Variants in DOT1L observed in about 807,000 individuals in gnomAD.
The protein encoded by DOT1L is DOT1 like histone lysine methyltransferase, also known as histone-lysine N-methyltransferase, H3 lysine-79 specific.
Under a neutral mutation model 153.3 loss-of-function variants are expected in DOT1L, and 33 were observed. The ratio of observed to expected loss-of-function variants is 0.22; its 90% CI spans 0.16 to 0.29. The LOEUF (loss-of-function observed/expected upper bound fraction) is 0.29, where lower values mean the gene tolerates loss of function less well. Ranked by LOEUF, DOT1L falls within the 10% of genes least tolerant of loss-of-function variation. The probability of loss-of-function intolerance (pLI) is 1.00; values close to 1 mark genes in which losing one functional copy is unlikely to be tolerated. For synonymous variants in DOT1L, 1,135 were observed against 965.1 expected (o/e 1.18, Z -3.26); for missense variants, 1,847 against 2,119.9 (o/e 0.87, Z 2.53).
chr19:2,208,038 C>T lies in DOT1L; in HGVS notation c.963+358C>T, dbSNP rs1359104753. ...TGGATAGGAGTCCCACGTCCCTGTT[C>T]CCAGCTTCCTCCATGTGAGAGGGTC... On this transcript the variant is annotated intron_variant, in intron 11 of 27. Transcript: ENST00000398665. This position sits in a 1 kb window ranked among gnomAD's most constrained non-coding sequence, Gnocchi z 4.4. 6.6e-6 allele frequency among the ~76,000 whole-genome samples: 1 copy of T among 152,164 alleles called. No homozygotes were observed. The highest frequency in any genetic ancestry group is 1.5e-5 in the Non-Finnish European group (1 of 68,010).
rs1258332057 is a variant in DOT1L, at chr19:2,193,928, G to GC, written c.588+146dup. On this transcript the variant is annotated intron_variant, in intron 6 of 27. Coordinates refer to ENST00000398665, the MANE Select transcript of DOT1L (RefSeq NM_032482.3). This position sits in a 1 kb window ranked among gnomAD's most constrained non-coding sequence, Gnocchi z 5.9. ...GCCCAAGACGTCTTGGTTGCCTGCAGCGTGTGCCTGTGAATAGGGTGCCCG... is the reference window on the plus strand; with the variant it reads ...GCCCAAGACGTCTTGGTTGCCTGCAGCCGTGTGCCTGTGAATAGGGTGCCCG... The GC allele has an allele frequency of 3.6e-6, 3 of 828,190 alleles. No homozygotes were observed. Among genetic ancestry groups the GC allele is most frequent in the Non-Finnish European group, 3.7e-6 (2 of 533,656 alleles). 51.3% of individuals were successfully genotyped at this position (828,190 alleles called of 1,614,324 possible).
chr19:2,169,225 C>T (rs56278961), intron 1 of DOT1L, among the ~76,000 whole-genome samples: 3,514 of 152,256 alleles, frequency 0.023, 63 homozygotes, highest in Middle Eastern at 0.041. Flanking sequence ...CCCACCGTGA[C>T]TCAGAAGGTA....
intron 19 of DOT1L, chr19:2,215,585 T>G (rs1288982905): frequency 6.6e-6 from 1 of 152,348 alleles, no homozygotes; most frequent in African/African-American, 2.4e-5. Context: ...CACCAAACCG[T>G]TGCTGCAAGG....
chr19:2,199,810 C>G (rs886820871), intron 7 of DOT1L, 74 bp from the exon 8 acceptor site: 3 of 1,550,000 alleles, frequency 1.9e-6, no homozygotes, highest in Non-Finnish European at 2.6e-6. Context: ...TCCATTCTTT[C>G]TTCACAGGGG....
At chr19:2,178,231 CAT>C (rs920775182) in intron 1 of DOT1L, among the ~76,000 whole-genome samples, 4 of 135,796 alleles carry the variant, frequency 2.9e-5, no homozygotes, top group African/African-American at 1.3e-4. Context: ...CATGCCTGGC[CAT>C]TTTTTTTTTT....
chr19:2,186,215 G>GCGGCTGA (rs2022501193), intron 3 of DOT1L, among the ~76,000 whole-genome samples: 2 of 152,270 alleles, frequency 1.3e-5, no homozygotes, highest in South Asian at 4.1e-4. Flanking sequence ...TTTATAGCGG[G>GCGGCTGA]CGGCTGACGG....
intron 27 of DOT1L, chr19:2,228,329 G>A (rs918390731): frequency 1.0e-5 from 14 of 1,334,696 alleles, no homozygotes; most frequent in Non-Finnish European, 1.3e-5. Flanking sequence ...CGCACCTTTC[G>A]GGGGTTAAGC....
At chr19:2,228,243 C>A in intron 27 of DOT1L, 1 of 1,362,582 alleles carries the variant, frequency 7.3e-7, no homozygotes, top group East Asian at 4.6e-5. Flanking sequence ...CCAGGCCGCG[C>A]CCGGGATCCC....
intron 3 of DOT1L, among the ~76,000 whole-genome samples, chr19:2,188,482 C>CCCT (rs2022641058): frequency 2.6e-5 from 2 of 77,178 alleles, no homozygotes; most frequent in Non-Finnish European, 2.5e-5. Context: ...CAGCCGCCGC[C>CCCT]CCCCCCCCCC....
At position 2,195,667 on chromosome 19, in the gene DOT1L, T is replaced by G. The variant is rs532123379; in HGVS notation, c.651+1090T>G. 7.3e-4 allele frequency among the ~76,000 whole-genome samples: 111 copies of G among 151,668 alleles called. 1 individual carries two copies. Among genetic ancestry groups the G allele is most frequent in the African/African-American group, 2.6e-3 (107 of 41,312 alleles). On this transcript the variant is annotated intron_variant, in intron 7 of 27. Transcript: ENST00000398665. ...AGCTTCCCTTATAAGGCAGAAGGAG[T>G]GCTGGGTGGGGCGGGCACCAGGTCA...
At chr19:2,200,988 C>T (rs2023248089) in intron 8 of DOT1L, among the ~76,000 whole-genome samples, 2 of 133,172 alleles carry the variant, frequency 1.5e-5, no homozygotes, top group Non-Finnish European at 3.2e-5. Flanking sequence ...CATTCCTCGT[C>T]GTCCCCTCAT....
intron 26 of DOT1L, 33 bp downstream of exon 26, chr19:2,225,485 C>A (rs981070503): frequency 6.2e-6 from 10 of 1,610,154 alleles, no homozygotes; most frequent in Non-Finnish European, 8.5e-6. Context: ...CGTGGCCAGG[C>A]CTGTCCGTGT....
At chr19:2,227,920 C>A (rs1421516240) in intron 27 of DOT1L, 12 of 1,213,536 alleles carry the variant, frequency 9.9e-6, no homozygotes, top group Non-Finnish European at 1.3e-5. Flanking sequence ...CCGCCTCCGC[C>A]TCCGCCTCCC....
At chr19:2,223,848 C>T (rs973945992) in intron 25 of DOT1L, among the ~76,000 whole-genome samples, 4 of 152,176 alleles carry the variant, frequency 2.6e-5, no homozygotes, top group Non-Finnish European at 4.4e-5. Flanking sequence ...ATTCACATAT[C>T]GTATTCTCCA....
Position 2,211,156 on chromosome 19 carries a change from A to G in DOT1L, c.1409A>G (p.His470Arg). Residue 470 changes from histidine to arginine, a missense_variant, in exon 15 of 28, where the codon CAC (histidine) becomes CGC (arginine). His to Arg is a conservative substitution (Grantham distance 29). Transcript: ENST00000398665. The part of the protein sequence containing the change: ...FYQLPPSVQR[H>R]SPNPLLVAPT... ...CAGCTACCTCCGAGCGTGCAGCGGC[A>G]CTCCCCCAACCCGCTGCTGGTGGCG... 1 of 1,612,084 alleles carries G rather than the reference A, an allele frequency of 6.2e-7. No homozygotes were observed. The highest frequency in any genetic ancestry group is 8.5e-7 in the Non-Finnish European group (1 of 1,179,570).
intron 22 of DOT1L, among the ~76,000 whole-genome samples, chr19:2,218,639 C>T (rs890165169): frequency 1.1e-4 from 17 of 151,948 alleles, no homozygotes; most frequent in Admixed American, 3.3e-4. Flanking sequence ...GTGATCCGCC[C>T]GCCTGGGCCT....
chr19:2,192,932 C>G (rs566538909), intron 5 of DOT1L, among the ~76,000 whole-genome samples: 1 of 152,348 alleles, frequency 6.6e-6, no homozygotes, highest in South Asian at 2.1e-4. Context: ...GCCCCCCGTC[C>G]CTGTGTGCTT....
At chr19:2,171,466 A>G (rs1196500339) in intron 1 of DOT1L, among the ~76,000 whole-genome samples, 1 of 152,118 alleles carries the variant, frequency 6.6e-6, no homozygotes, top group Non-Finnish European at 1.5e-5. Flanking sequence ...GGTGGCGTCT[A>G]GAGACCTTTG....
intron 22 of DOT1L, among the ~76,000 whole-genome samples, chr19:2,219,655 C>T (rs2144888222): frequency 6.6e-6 from 1 of 152,362 alleles, no homozygotes; most frequent in Non-Finnish European, 1.5e-5. Context: ...GGTCACTCTA[C>T]TGACCTTTGT....
Sources: gnomAD v4.1 joint callset for allele counts (sites outside exome capture counted in the v4.1 genomes callset) on GRCh38, gnomAD v4.1.1 for gene constraint, Gnocchi (gnomAD v3.1) non-coding constraint, MANE v1.5 for transcripts, NCBI Gene and HGNC (gene_info 2026-07-23, HGNC 2026-07-21) for gene names.